Variants in KSR1 observed in about 807,000 individuals in gnomAD.
KSR1 encodes kinase suppressor of ras 1, also known as kinase suppressor of ras.
Under a neutral mutation model 92.9 loss-of-function variants are expected in KSR1, and 35 were observed. The ratio of observed to expected loss-of-function variants is 0.38; its 90% confidence interval spans 0.29 to 0.50. KSR1 has a LOEUF of 0.50. Among genes scored for constraint, KSR1 ranks in the 20% least tolerant of loss-of-function variants. KSR1 has a pLI of 0.94. For synonymous variants in KSR1, 467 were observed against 472.6 expected (o/e 0.99, Z 0.15); for missense variants, 972 against 1,158.5 (o/e 0.84, Z 2.34).
chr17:27,585,628 T>C (rs1456348933), intron 4 of KSR1, 29 bp from the exon 5 acceptor site: 1 of 758,374 alleles, frequency 1.3e-6, no homozygotes, highest in African/African-American at 1.7e-5. Flanking sequence ...GGTGACGTAA[T>C]CCCCCTCTCT....
At chr17:27,594,733 A>G (rs573751551) in intron 9 of KSR1, among the ~76,000 whole-genome samples, 13 of 151,906 alleles carry the variant, frequency 8.6e-5, no homozygotes, top group African/African-American at 3.1e-4. Context: ...TTTTCCCGCT[A>G]CCTGCCCCTC....
At chr17:27,553,880 A>G (rs1172588584) in intron 2 of KSR1, among the ~76,000 whole-genome samples, 1 of 152,212 alleles carries the variant, frequency 6.6e-6, no homozygotes, top group Non-Finnish European at 1.5e-5. Context: ...GTGGAAGCCT[A>G]GTGATGGGGG....
Position 27,623,828 on chromosome 17 carries a change from A to G in KSR1, c.*436A>G. The G allele has an allele frequency of 1.9e-6, 1 of 527,080 alleles. No individual in the cohort carries two copies. The allele number at this position is 527,080 out of a possible 1,614,324, so 32.7% of individuals were successfully genotyped here. A position where few individuals can be genotyped will look rare whatever the true frequency, so the allele number is the denominator to read the frequency against. The stretch of plus-strand genomic sequence containing the variant: ...CAGCTGTTCTTGGGGTAGGGCGGGG[A>G]GCCCAGAAGGTCTGATCTGGCCTCT... On this transcript the variant is annotated 3_prime_UTR_variant, in exon 21 of 21. Transcript: ENST00000644974.
At chr17:27,463,712 C>T (rs895908031) in intron 1 of KSR1, among the ~76,000 whole-genome samples, 49 of 152,144 alleles carry the variant, frequency 3.2e-4, no homozygotes, top group African/African-American at 1.1e-3. Flanking sequence ...TTCAGGTCTC[C>T]CTGTCCAGAG....
chr17:27,468,448 C>T (rs1370371702), intron 1 of KSR1, among the ~76,000 whole-genome samples: 1 of 152,022 alleles, frequency 6.6e-6, no homozygotes, highest in Non-Finnish European at 1.5e-5. Flanking sequence ...GTTGGCCAGG[C>T]CAGCTTGTGA....
At chr17:27,619,818 T>C (rs1470554695) in intron 19 of KSR1, among the ~76,000 whole-genome samples, 2 of 152,158 alleles carry the variant, frequency 1.3e-5, no homozygotes, top group South Asian at 4.1e-4. Flanking sequence ...GTTCAAGCGA[T>C]TCTCATGCCT....
At chr17:27,503,426 G>C (rs940007) in intron 1 of KSR1, among the ~76,000 whole-genome samples, 71,983 of 152,074 alleles carry the variant, frequency 0.47, 18,718 homozygotes, top group East Asian at 0.69. Flanking sequence ...GATCTAGGCC[G>C]GGTGGCTCCT....
At chr17:27,593,175 C>G (rs1055549745) in intron 9 of KSR1, among the ~76,000 whole-genome samples, 17 of 152,236 alleles carry the variant, frequency 1.1e-4, no homozygotes, top group Non-Finnish European at 1.5e-5. Context: ...ATAGCCAGGT[C>G]AGGCTTCTCT....
In KSR1 at chr17:27,624,446, G is replaced by A. The variant is rs550281344; in HGVS notation, c.*1054G>A. On this transcript the variant is annotated 3_prime_UTR_variant, in exon 21 of 21. Transcript: ENST00000644974. ...CTCTGTCCATGCTCTGAGTTCAGCT[G>A]GGCAGTGTGTGGGCTATCACCCCTT... 2.0e-5 allele frequency: 3 copies of A among 152,468 alleles called. No individual in the cohort carries two copies. Among genetic ancestry groups the A allele is most frequent in the African/African-American group, 7.2e-5 (3 of 41,564 alleles). The allele number at this position is 152,468 out of a possible 1,614,324, so 9.4% of individuals were successfully genotyped here. A position where few individuals can be genotyped will look rare whatever the true frequency, so the allele number is the denominator to read the frequency against.
At chr17:27,620,243 A>G (rs778774259) in intron 19 of KSR1, among the ~76,000 whole-genome samples, 1 of 152,196 alleles carries the variant, frequency 6.6e-6, no homozygotes, top group Admixed American at 6.5e-5. Flanking sequence ...CTGTGGGGTA[A>G]TGGATCGTAG....
chr17:27,599,120 T>G (rs887326519), intron 10 of KSR1, among the ~76,000 whole-genome samples: 8 of 152,246 alleles, frequency 5.3e-5, no homozygotes, highest in African/African-American at 1.4e-4. Context: ...CTCGGCTGTG[T>G]GGTGTAGCCT....
At chr17:27,480,839 T>G (rs1270933940) in intron 1 of KSR1, among the ~76,000 whole-genome samples, 1 of 152,230 alleles carries the variant, frequency 6.6e-6, no homozygotes, top group Non-Finnish European at 1.5e-5. Context: ...TTGAGTAGTT[T>G]TCCGATGTTG....
At chr17:27,497,905 G>A (rs2069044962) in intron 1 of KSR1, among the ~76,000 whole-genome samples, 1 of 152,198 alleles carries the variant, frequency 6.6e-6, no homozygotes, top group Admixed American at 6.5e-5. Context: ...TGCACAGCAA[G>A]ACCGTCACGG....
chr17:27,572,646 G>A (rs1298773780), intron 2 of KSR1, among the ~76,000 whole-genome samples: 3 of 152,204 alleles, frequency 2.0e-5, no homozygotes, highest in African/African-American at 4.8e-5. Context: ...CTTCACCTGC[G>A]AGTTCACCTT....
At chr17:27,501,947 G>A (rs2069205817) in intron 1 of KSR1, among the ~76,000 whole-genome samples, 1 of 152,270 alleles carries the variant, frequency 6.6e-6, no homozygotes, top group Non-Finnish European at 1.5e-5. Flanking sequence ...CTGTAGCAGA[G>A]CATGCAGACT....
At chr17:27,521,784 C>T (rs540489982) in intron 1 of KSR1, among the ~76,000 whole-genome samples, 9 of 152,280 alleles carry the variant, frequency 5.9e-5, no homozygotes, top group East Asian at 1.9e-4. Context: ...GGTCTCCTGA[C>T]GTCTGAGCTC....
intron 1 of KSR1, among the ~76,000 whole-genome samples, chr17:27,480,349 C>T (rs1387565789): frequency 1.3e-5 from 2 of 152,186 alleles, no homozygotes; most frequent in Non-Finnish European, 1.5e-5. Flanking sequence ...GAAAGCTCCA[C>T]AGGGTAAGGA....
In KSR1 at chr17:27,605,820, A is replaced by G. The variant is rs1377237671; in HGVS notation, c.1994+7A>G. ...ACCTGGCCATTATCACCAGGTAACCAAGCCCTAGGACCTCATGCTGGATGG... is the reference window on the plus strand; with the variant it reads ...ACCTGGCCATTATCACCAGGTAACCGAGCCCTAGGACCTCATGCTGGATGG... On this transcript the variant is annotated splice_region_variant and intron_variant, in intron 14 of 20. Coordinates refer to ENST00000644974, the MANE Select transcript of KSR1 (RefSeq NM_001394583.1). 6.2e-7 allele frequency: 1 copy of G among 1,612,084 alleles called. No homozygotes were observed. The highest frequency in any genetic ancestry group is 1.7e-5 in the Admixed American group (1 of 59,920).
intron 2 of KSR1, among the ~76,000 whole-genome samples, chr17:27,554,233 C>A (rs1321613520): frequency 6.6e-6 from 1 of 152,174 alleles, no homozygotes; most frequent in East Asian, 1.9e-4. Flanking sequence ...GCGGTCAGAC[C>A]TTGGCAATGA....
Sources: gnomAD v4.1 joint callset for allele counts (sites outside exome capture counted in the v4.1 genomes callset) on GRCh38, gnomAD v4.1.1 for gene constraint, MANE v1.5 for transcripts, NCBI Gene and HGNC (gene_info 2026-07-23, HGNC 2026-07-21) for gene names.